The following TOX3 variants were observed in gnomAD, a reference collection of about 807,000 sequenced individuals.
TOX3 encodes TOX high mobility group box family member 3, also known as CAG trinucleotide repeat-containing gene F9 protein.
TOX3 carries 22 observed loss-of-function variants against 64.3 expected under a neutral mutation model. The ratio of observed to expected loss-of-function variants is 0.34; its 90% CI spans 0.24 to 0.49. The LOEUF (loss-of-function observed/expected upper bound fraction) is 0.49, where lower values mean the gene tolerates loss of function less well. TOX3 is among the 20% of genes least tolerant of loss of function. TOX3 has a pLI of 0.99. For synonymous variants in TOX3, 291 were observed against 273.6 expected, an observed-to-expected ratio of 1.06 and a Z score of -0.63; for missense variants, 661 against 714.4, an observed-to-expected ratio of 0.93 and a Z score of 0.85.
intron 4 of TOX3, among the ~76,000 whole-genome samples, chr16:52,450,050 A>G (rs535255637): frequency 3.9e-5 from 6 of 152,342 alleles, no homozygotes; most frequent in South Asian, 2.1e-4. Flanking sequence ...AACATGTCCA[A>G]TGCCTTACAG....
At chr16:52,444,481 T>G in intron 5 of TOX3, 125 bp from the exon 6 acceptor site, 2 of 632,554 alleles carry the variant, frequency 3.2e-6, no homozygotes, top group Admixed American at 2.8e-5. Flanking sequence ...TGGCTTTGAT[T>G]TTTAAATGTT....
chr16:52,465,421 G>C (rs1596795561), intron 2 of TOX3, among the ~76,000 whole-genome samples: 1 of 150,218 alleles, frequency 6.7e-6, no homozygotes, highest in African/African-American at 2.4e-5. Flanking sequence ...TTTTTGGCGA[G>C]AGGTTCTGGG....
At chr16:52,463,899 T>TA in intron 3 of TOX3, 35 bp downstream of exon 3, 1 of 1,482,964 alleles carries the variant, frequency 6.7e-7, no homozygotes. Flanking sequence ...GTGCAAATGA[T>TA]AAAAAATAAT....
chr16:52,452,314 A>T (rs574470686), intron 3 of TOX3, among the ~76,000 whole-genome samples: 84 of 152,230 alleles, frequency 5.5e-4, no homozygotes, highest in African/African-American at 2.0e-3. Flanking sequence ...TTCAATTCCC[A>T]CCTATGAGTG....
chr16:52,480,929 G>GTTT (rs11454608), intron 1 of TOX3, among the ~76,000 whole-genome samples: 1 of 148,232 alleles, frequency 6.7e-6, no homozygotes. Flanking sequence ...TCTGAAGAGA[G>GTTT]TTTTTTTTTT....
intron 1 of TOX3, among the ~76,000 whole-genome samples, chr16:52,526,106 T>G (rs1450341868): frequency 6.6e-6 from 1 of 152,180 alleles, no homozygotes; most frequent in East Asian, 1.9e-4. Flanking sequence ...TTTCCCAAGT[T>G]TAATTACCCC....
intron 1 of TOX3, among the ~76,000 whole-genome samples, chr16:52,477,008 T>C (rs1459605760): frequency 6.6e-6 from 1 of 152,210 alleles, no homozygotes; most frequent in Admixed American, 6.5e-5. Context: ...AGGGAGTAGA[T>C]GTACATGTTT....
intron 1 of TOX3, among the ~76,000 whole-genome samples, chr16:52,469,743 T>C (rs1235849747): frequency 6.6e-6 from 1 of 152,162 alleles, no homozygotes; most frequent in African/African-American, 2.4e-5. Flanking sequence ...GAGAGATACA[T>C]AGATATGGAA....
intron 1 of TOX3, among the ~76,000 whole-genome samples, chr16:52,524,235 A>C (rs1962674472): frequency 6.6e-6 from 1 of 152,212 alleles, no homozygotes; most frequent in Non-Finnish European, 1.5e-5. Context: ...CATCAGAAAA[A>C]ATAAACCCTG....
At chr16:52,509,131 C>G (rs560675867) in intron 1 of TOX3, among the ~76,000 whole-genome samples, 1 of 152,244 alleles carries the variant, frequency 6.6e-6, no homozygotes, top group South Asian at 2.1e-4. Context: ...TATAACTATA[C>G]TGGAAGCTCA....
At chr16:52,532,523 A>T (rs1250153668) in intron 1 of TOX3, among the ~76,000 whole-genome samples, 1 of 152,226 alleles carries the variant, frequency 6.6e-6, no homozygotes, top group Non-Finnish European at 1.5e-5. Context: ...TTGACTGCAA[A>T]CACATAAGAG....
chr16:52,509,134 G>C (rs1385914220), intron 1 of TOX3, among the ~76,000 whole-genome samples: 1 of 152,086 alleles, frequency 6.6e-6, no homozygotes, highest in Non-Finnish European at 1.5e-5. Flanking sequence ...AACTATACTG[G>C]AAGCTCATGT....
chr16:52,477,643 C>A (rs914238018), intron 1 of TOX3, among the ~76,000 whole-genome samples: 10 of 152,086 alleles, frequency 6.6e-5, no homozygotes, highest in African/African-American at 2.4e-4. Flanking sequence ...AGAACAAGTT[C>A]AGCTTCCAGC....
At chr16:52,481,565 C>T (rs1961369115) in intron 1 of TOX3, among the ~76,000 whole-genome samples, 1 of 152,150 alleles carries the variant, frequency 6.6e-6, no homozygotes, top group Admixed American at 6.5e-5. Flanking sequence ...TTAAGCCAAA[C>T]AAGATTACAT....
rs191042750 is a variant in TOX3, at chr16:52,441,292, A to T, written c.988-1324T>A. Among the ~76,000 whole-genome samples the T allele has an allele frequency of 4.0e-3, 611 of 152,332 alleles. 5 individuals are homozygous for T. The highest frequency in any genetic ancestry group is 7.0e-3 in the Non-Finnish European group (478 of 68,014). On this transcript the variant is annotated intron_variant, in intron 6 of 6. Transcript: ENST00000219746. ...TAAGAAAACCATTATTGGTTTCCTCAGAGATACCAAATTGAAGTTTTCACA... is the reference window on the plus strand; with the variant it reads ...TAAGAAAACCATTATTGGTTTCCTCTGAGATACCAAATTGAAGTTTTCACA...
In TOX3 at chr16:52,455,903, G is replaced by A. The variant is rs571041065; in HGVS notation, c.409-5357C>T. On this transcript the variant is annotated intron_variant, in intron 3 of 6. Transcript: ENST00000219746. The stretch of plus-strand genomic sequence containing the variant: ...CATTGTGTAAGGTGGGGAAATCATG[G>A]GATGCTTCCCCGAAGAGGTGACCTA... 2.6e-5 allele frequency among the ~76,000 whole-genome samples: 4 copies of A among 152,262 alleles called. No individual in the cohort carries two copies. In the East Asian group the frequency reaches 7.7e-4, roughly 29 times the overall value.
chr16:52,473,243 CCA>C (rs1961101365), intron 1 of TOX3, among the ~76,000 whole-genome samples: 1 of 151,976 alleles, frequency 6.6e-6, no homozygotes, highest in African/African-American at 2.4e-5. Flanking sequence ...CTTGATGCGT[CCA>C]CACAACATCA....
At chr16:52,489,973 C>T (rs754355272) in intron 1 of TOX3, among the ~76,000 whole-genome samples, 5 of 152,304 alleles carry the variant, frequency 3.3e-5, no homozygotes, top group Non-Finnish European at 5.9e-5. Flanking sequence ...AACCCATCCT[C>T]CACACTGCAC....
At chr16:52,507,169 T>G (rs1962181803) in intron 1 of TOX3, among the ~76,000 whole-genome samples, 1 of 152,148 alleles carries the variant, frequency 6.6e-6, no homozygotes, top group South Asian at 2.1e-4. Context: ...TAACAATTGA[T>G]TCAAAGAATG....
Sources: gnomAD v4.1 joint callset for allele counts (sites outside exome capture counted in the v4.1 genomes callset) on GRCh38, gnomAD v4.1.1 for gene constraint, MANE v1.5 for transcripts, NCBI Gene and HGNC (gene_info 2026-07-23, HGNC 2026-07-21) for gene names.